Variants in SDK2 observed in about 807,000 individuals in gnomAD.
The protein encoded by SDK2 is protein sidekick-2.
In SDK2, 105 loss-of-function variants were observed where a neutral mutation model predicts 253.9. The observed-to-expected ratio is 0.41, with a 90% CI of 0.35 to 0.49. The LOEUF (loss-of-function observed/expected upper bound fraction) is 0.49, where lower values mean the gene tolerates loss of function less well. Among genes scored for constraint, SDK2 ranks in the 20% least tolerant of loss-of-function variants. The pLI, the probability that SDK2 is intolerant of heterozygous loss-of-function variation, is 0.06. For synonymous variants in SDK2, 1,249 were observed against 1,234.9 expected (o/e 1.01, Z -0.24); for missense variants, 2,608 against 3,003.0 (o/e 0.87, Z 3.07).
intron 33 of SDK2, among the ~76,000 whole-genome samples, chr17:73,381,324 C>G (rs1014036353): frequency 2.0e-5 from 3 of 151,982 alleles, no homozygotes; most frequent in African/African-American, 7.3e-5. Context: ...CGTTAATTTC[C>G]TCATATGAAC....
chr17:73,364,266 G>A (rs2062665531), intron 38 of SDK2, among the ~76,000 whole-genome samples: 1 of 152,176 alleles, frequency 6.6e-6, no homozygotes, highest in Non-Finnish European at 1.5e-5. Context: ...CCATTGTCAG[G>A]GGCTGCGCAG....
Position 73,483,679 on chromosome 17 carries a change from A to ATT in SDK2, c.225-11462_225-11461insAA, listed in dbSNP as rs1351736314. ...TGTGTGTGTATATATATATATATAT[A>ATT]TATTTATATATATATATATATATAT... is the stretch of plus-strand genomic sequence containing the variant. On this transcript the variant is annotated intron_variant, in intron 2 of 44. Transcript: ENST00000392650. 6.2e-4 allele frequency among the ~76,000 whole-genome samples: 33 copies of ATT among 52,900 alleles called. 1 individual carries two copies. The highest frequency in any genetic ancestry group is 9.6e-3 in the Middle Eastern group (1 of 104). The allele number at this position is 52,900 out of a possible 152,430, so 34.7% of individuals were successfully genotyped here.
intron 1 of SDK2, among the ~76,000 whole-genome samples, chr17:73,545,411 A>G (rs879744235): frequency 2.6e-5 from 4 of 152,094 alleles, no homozygotes; most frequent in Non-Finnish European, 5.9e-5. Flanking sequence ...AAATAAATGA[A>G]TGCACACACA....
At chr17:73,528,711 C>A (rs140104962) in intron 1 of SDK2, among the ~76,000 whole-genome samples, 1,552 of 152,320 alleles carry the variant, frequency 0.01, 12 homozygotes, top group Non-Finnish European at 0.013. Flanking sequence ...TTTGACACTG[C>A]AGGGTCACCA....
intron 28 of SDK2, 25 bp downstream of exon 28, chr17:73,391,415 G>T (rs7214272): frequency 7.9e-7 from 1 of 1,260,724 alleles, no homozygotes; most frequent in African/African-American, 1.5e-5. Context: ...CCTGCAGCCG[G>T]GGCACGGGAA....
chr17:73,500,119 CTCCTCCA>C (rs1343747046), intron 2 of SDK2, among the ~76,000 whole-genome samples: 1 of 142,844 alleles, frequency 7.0e-6, no homozygotes, highest in Admixed American at 6.9e-5. Flanking sequence ...TCCCTCCATT[CTCCTCCA>C]TCCTCCATCC....
Position 73,430,593 on chromosome 17 carries a change from G to A in SDK2, c.1501C>T (p.Pro501Ser). 2 of 1,579,032 alleles carry A rather than the reference G, an allele frequency of 1.3e-6. No individual in the cohort carries two copies. The highest frequency in any genetic ancestry group is 1.7e-6 in the Non-Finnish European group (2 of 1,161,792). ...VVWARTRITK[P>S]PQDQSVIKGT... Reference sequence around the variant, plus strand: ...TTGATGACACTCTGATCCTGGGGGGGCTTGGTGATGCGGGTCCGAGCTGAA... The same window carrying A: ...TTGATGACACTCTGATCCTGGGGGGACTTGGTGATGCGGGTCCGAGCTGAA... Residue 501 changes from proline (P) to serine (S), a missense_variant, in exon 12 of 45, where the codon CCC becomes TCC. Coordinates refer to ENST00000392650, the MANE Select transcript of SDK2 (RefSeq NM_001144952.2).
Position 73,395,709 on chromosome 17 carries a change from C to T in SDK2, c.3355-317G>A, listed in dbSNP as rs1037181466. On this transcript the variant is annotated intron_variant, in intron 24 of 44. Coordinates refer to ENST00000392650, the MANE Select transcript of SDK2 (RefSeq NM_001144952.2). This position sits in a 1 kb window ranked among gnomAD's most constrained non-coding sequence, Gnocchi z 4.3. ...TGTGTCTGACACACCGATAGCACCG[C>T]CACCTTTGGCTCTGCTGTCTCTGCT... is the stretch of plus-strand genomic sequence containing the variant. Among the ~76,000 whole-genome samples the T allele has an allele frequency of 6.6e-6, 1 of 152,240 alleles. No individual in the cohort carries two copies. The highest frequency in any genetic ancestry group is 2.4e-5 in the African/African-American group (1 of 41,472).
chr17:73,585,685 C>A (rs2045594099), intron 1 of SDK2, among the ~76,000 whole-genome samples: 2 of 152,196 alleles, frequency 1.3e-5, no homozygotes, highest in African/African-American at 4.8e-5. Flanking sequence ...AAGCCACACA[C>A]CTTTGAGTCC....
At chr17:73,439,341 C>T (rs1043260386) in intron 6 of SDK2, among the ~76,000 whole-genome samples, 1 of 152,146 alleles carries the variant, frequency 6.6e-6, no homozygotes, top group African/African-American at 2.4e-5. Context: ...TCCTTTATAG[C>T]AATGCAAATG....
rs1417597747 is a variant in SDK2 at position 73,496,096 on chromosome 17, A to T, written c.224+11342T>A. Among the ~76,000 whole-genome samples the T allele has an allele frequency of 1.3e-5, 2 of 152,170 alleles. No individual in the cohort carries two copies. The highest frequency in any genetic ancestry group is 4.8e-5 in the African/African-American group (2 of 41,450). The stretch of plus-strand genomic sequence containing the variant: ...GGGAGGGTGGGAAGGAACCGTGGCC[A>T]GGAAGAATGAGGTGGGAGGAGCCTG... On this transcript the variant is annotated intron_variant, in intron 2 of 44. Coordinates refer to ENST00000392650, the MANE Select transcript of SDK2 (RefSeq NM_001144952.2). This position sits in a 1 kb window ranked among gnomAD's most constrained non-coding sequence, Gnocchi z 4.7.
At chr17:73,401,309 GA>G in intron 20 of SDK2, 98 bp from the exon 21 acceptor site, 1 of 1,157,640 alleles carries the variant, frequency 8.6e-7, no homozygotes, top group African/African-American at 1.5e-5. Context: ...CTGGCAATTA[GA>G]TCCACGCTGG....
chr17:73,494,419 C>T (rs991923506), intron 2 of SDK2, among the ~76,000 whole-genome samples: 6 of 152,088 alleles, frequency 3.9e-5, no homozygotes, highest in Non-Finnish European at 7.4e-5. Context: ...CCAGGTCCAG[C>T]GAGGCCACAC....
At position 73,425,417 on chromosome 17, in the gene SDK2, T is replaced by C. The variant is rs186315510; in HGVS notation, c.1584-1325A>G. On this transcript the variant is annotated intron_variant, in intron 12 of 44. Transcript: ENST00000392650. ...TTCCCCGCCCGGATAGGCAGTGCAC[T>C]GCAGCACTGCTGCATTCAGGAGTCA... is the stretch of plus-strand genomic sequence containing the variant. Among the ~76,000 whole-genome samples the C allele has an allele frequency of 4.7e-3, 716 of 152,388 alleles. 4 individuals are homozygous for C. Among genetic ancestry groups the C allele is most frequent in the Non-Finnish European group, 6.9e-3 (469 of 68,038 alleles).
chr17:73,370,098 C>T (rs560508005), intron 36 of SDK2, among the ~76,000 whole-genome samples: 4 of 152,208 alleles, frequency 2.6e-5, no homozygotes, highest in African/African-American at 7.2e-5. Flanking sequence ...TGCATGTCAC[C>T]GGCTTTTCAA....
intron 13 of SDK2, 130 bp from the exon 14 acceptor site, chr17:73,423,652 C>A: frequency 8.9e-7 from 1 of 1,128,772 alleles, no homozygotes; most frequent in South Asian, 2.0e-5. Flanking sequence ...ATGTGGCCTT[C>A]GGGCCATCTA....
chr17:73,392,636 T>C (rs184714653), intron 27 of SDK2, among the ~76,000 whole-genome samples: 14 of 151,336 alleles, frequency 9.3e-5, no homozygotes, highest in Non-Finnish European at 1.9e-4. Context: ...GGCAGGAGGA[T>C]AGAACATATT....
intron 3 of SDK2, among the ~76,000 whole-genome samples, chr17:73,462,036 T>G (rs533245486): frequency 6.6e-6 from 1 of 152,194 alleles, no homozygotes; most frequent in South Asian, 2.1e-4. Context: ...TATGTTTGTA[T>G]GATGTGATAG....
intron 5 of SDK2, among the ~76,000 whole-genome samples, chr17:73,446,963 C>T (rs537594012): frequency 3.3e-5 from 5 of 152,322 alleles, no homozygotes; most frequent in South Asian, 2.1e-4. Flanking sequence ...GCTTCAGTCT[C>T]GGCTGGACAA....
Sources: gnomAD v4.1 joint callset for allele counts (sites outside exome capture counted in the v4.1 genomes callset) on GRCh38, gnomAD v4.1.1 for gene constraint, Gnocchi (gnomAD v3.1) non-coding constraint, MANE v1.5 for transcripts, NCBI Gene and HGNC (gene_info 2026-07-23, HGNC 2026-07-21) for gene names.